The following TSGA10 variants were observed in gnomAD, a reference collection of about 807,000 sequenced individuals.
The protein encoded by TSGA10 is testis-specific gene 10 protein.
Under a neutral mutation model 96.6 loss-of-function variants are expected in TSGA10, and 43 were observed. The observed-to-expected ratio is 0.44, with a 90% confidence interval of 0.35 to 0.57. The LOEUF is 0.57. Among genes scored for constraint, TSGA10 ranks in the 20% least tolerant of loss-of-function variants. The pLI is 0.01. For synonymous variants in TSGA10, 229 were observed against 269.9 expected, an observed-to-expected ratio of 0.85 and a Z score of 1.48; for missense variants, 703 against 834.4, an observed-to-expected ratio of 0.84 and a Z score of 1.94.
intron 17 of TSGA10, among the ~76,000 whole-genome samples, chr2:99,029,350 T>C (rs1205516443): frequency 2.0e-5 from 3 of 151,946 alleles, no homozygotes; most frequent in Admixed American, 6.6e-5. Flanking sequence ...AATTTAGAGA[T>C]AGAAAATCAA....
At chr2:99,014,382 G>C (rs1426700726) in intron 20 of TSGA10, among the ~76,000 whole-genome samples, 1 of 152,062 alleles carries the variant, frequency 6.6e-6, no homozygotes, top group Non-Finnish European at 1.5e-5. Flanking sequence ...ATCTGATCTT[G>C]AGTGATCTTT....
At chr2:99,053,318 C>A (rs1019548587) in intron 16 of TSGA10, among the ~76,000 whole-genome samples, 1 of 150,846 alleles carries the variant, frequency 6.6e-6, no homozygotes, top group African/African-American at 2.4e-5. Context: ...GAACTACATG[C>A]CAATATTCTT....
At chr2:99,099,843 A>T (rs2090492910) in intron 10 of TSGA10, among the ~76,000 whole-genome samples, 1 of 152,200 alleles carries the variant, frequency 6.6e-6, no homozygotes, top group South Asian at 2.1e-4. Flanking sequence ...TATTAAAATT[A>T]ATGAAAAGTT....
chr2:99,140,930 G>T (rs2093513927), intron 1 of TSGA10: 10 of 385,986 alleles, frequency 2.6e-5, no homozygotes, highest in Non-Finnish European at 4.3e-5. Flanking sequence ...TGTGCCCGCC[G>T]CTGCCCCTCA....
At chr2:99,153,522 A>C (rs1477458564) in intron 1 of TSGA10, among the ~76,000 whole-genome samples, 1 of 152,206 alleles carries the variant, frequency 6.6e-6, no homozygotes, top group Non-Finnish European at 1.5e-5. Flanking sequence ...TGGAGCAGGG[A>C]GGAGGGAATG....
Position 99,124,057 on chromosome 2 carries a change from G to A in TSGA10, c.-492+2991C>T, listed in dbSNP as rs116498388. The stretch of plus-strand genomic sequence containing the variant: ...TTAAAATTTTGAGAAACCATCAAAT[G>A]ATTTTCACCAAGGTGGCTCCATTTT... On this transcript the variant is annotated intron_variant, in intron 2 of 20. Coordinates refer to ENST00000393483, the MANE Select transcript of TSGA10 (RefSeq NM_025244.4). 9.5e-3 allele frequency among the ~76,000 whole-genome samples: 1,454 copies of A among 152,312 alleles called. 14 individuals are homozygous for A. The highest frequency in any genetic ancestry group is 0.033 in the African/African-American group (1,381 of 41,570).
chr2:99,098,394 G>A (rs756112900), intron 10 of TSGA10, among the ~76,000 whole-genome samples: 9 of 138,108 alleles, frequency 6.5e-5, no homozygotes, highest in African/African-American at 2.0e-4. Flanking sequence ...AGCCGAGATC[G>A]CACCACTGCA....
At chr2:99,050,167 G>A (rs922786615) in intron 16 of TSGA10, among the ~76,000 whole-genome samples, 20 of 152,012 alleles carry the variant, frequency 1.3e-4, no homozygotes, top group African/African-American at 4.8e-4. Context: ...GGAGGGCGAG[G>A]GAAGGCTAAC....
chr2:99,014,141 C>T (rs34751553), intron 20 of TSGA10, among the ~76,000 whole-genome samples: 8,194 of 151,832 alleles, frequency 0.054, 404 homozygotes, highest in East Asian at 0.21. Context: ...GGCAACAGAG[C>T]GAGACTCTGT....
chr2:99,064,422 T>C (rs2104459747), intron 16 of TSGA10, among the ~76,000 whole-genome samples: 1 of 152,298 alleles, frequency 6.6e-6, no homozygotes, highest in Admixed American at 6.5e-5. Flanking sequence ...TTGTTTTCAC[T>C]TAAATAAAAA....
intron 4 of TSGA10, among the ~76,000 whole-genome samples, chr2:99,114,993 C>T (rs1042473415): frequency 1.1e-4 from 17 of 152,120 alleles, no homozygotes; most frequent in African/African-American, 3.9e-4. Context: ...TAGAGCGTGA[C>T]GTGATTTTGG....
intron 2 of TSGA10, chr2:99,125,425 G>A (rs1247560496): frequency 6.6e-6 from 1 of 152,026 alleles, no homozygotes; most frequent in East Asian, 1.9e-4. Context: ...ATTTTTTCCT[G>A]AGACAACTTT....
At chr2:99,105,737 G>T in intron 7 of TSGA10, 40 bp from the exon 8 acceptor site, 1 of 1,536,402 alleles carries the variant, frequency 6.5e-7, no homozygotes, top group South Asian at 1.3e-5. Context: ...ACAAGCTTTA[G>T]AACACATAAA....
At chr2:99,028,923 TA>T (rs894088997) in intron 17 of TSGA10, among the ~76,000 whole-genome samples, 11 of 152,212 alleles carry the variant, frequency 7.2e-5, no homozygotes, top group African/African-American at 2.4e-4. Flanking sequence ...AAGTTTTACG[TA>T]AAAAAATTTT....
At chr2:99,046,031 A>C (rs1191259481) in intron 16 of TSGA10, among the ~76,000 whole-genome samples, 3 of 152,152 alleles carry the variant, frequency 2.0e-5, no homozygotes, top group African/African-American at 4.8e-5. Context: ...AACTATCCTA[A>C]ATATATATGT....
At position 99,120,840 on chromosome 2, in the gene TSGA10, C is replaced by T. The variant is rs145760000; in HGVS notation, c.-491-2154G>A. 1.2e-3 allele frequency among the ~76,000 whole-genome samples: 186 copies of T among 152,258 alleles called. 1 individual carries two copies. The highest frequency in any genetic ancestry group is 3.7e-3 in the African/African-American group (154 of 41,552). On this transcript the variant is annotated intron_variant, in intron 2 of 20. Transcript: ENST00000393483. ...CATTCTTCTGCTGCCCCTTTATATT[C>T]TCCTTCCCCGCCCTCAATTCTTCCC...
intron 10 of TSGA10, among the ~76,000 whole-genome samples, chr2:99,103,242 G>A (rs547976899): frequency 2.0e-5 from 3 of 152,032 alleles, no homozygotes; most frequent in Admixed American, 6.6e-5. Flanking sequence ...CATGTGCCAC[G>A]GTGGTTTGCC....
At chr2:99,055,822 C>T (rs2104394701) in intron 16 of TSGA10, among the ~76,000 whole-genome samples, 1 of 141,128 alleles carries the variant, frequency 7.1e-6, no homozygotes, top group Admixed American at 7.3e-5. Context: ...CACTGCATTC[C>T]AGCCTGGGCA....
intron 1 of TSGA10, among the ~76,000 whole-genome samples, chr2:99,152,738 A>G (rs2105165058): frequency 6.6e-6 from 1 of 152,328 alleles, no homozygotes; most frequent in East Asian, 1.9e-4. Flanking sequence ...GATAGAGTCC[A>G]GGTGAAGTCT....
Sources: allele counts gnomAD v4.1 joint callset (sites outside exome capture counted in the v4.1 genomes callset), GRCh38; gene constraint gnomAD v4.1.1; transcripts MANE v1.5; gene names NCBI Gene and HGNC (gene_info 2026-07-23, HGNC 2026-07-21).